ZBTB21: variants seen among roughly 807,000 people sequenced by gnomAD.
ZBTB21 encodes the protein zinc finger and BTB domain containing 21, also known as zinc finger and BTB domain-containing protein 21.
ZBTB21 carries 10 observed loss-of-function variants against 39.8 expected under a neutral mutation model. The ratio of observed to expected loss-of-function variants is 0.25; its 90% CI spans 0.16 to 0.43. The LOEUF is 0.43. Among genes scored for constraint, ZBTB21 ranks in the 20% least tolerant of loss-of-function variants. The pLI is 1.00. For synonymous variants in ZBTB21, 551 were observed against 498.8 expected (o/e 1.10, Z -1.40); for missense variants, 1,221 against 1,296.3 (o/e 0.94, Z 0.89).
intron 1 of ZBTB21, among the ~76,000 whole-genome samples, chr21:42,007,311 G>A (rs986548421): frequency 6.6e-6 from 1 of 152,188 alleles, no homozygotes; most frequent in Admixed American, 6.5e-5. Context: ...CTGAAGTAAA[G>A]CGTATTACAT....
intron 2 of ZBTB21, among the ~76,000 whole-genome samples, chr21:41,996,854 A>G (rs374755302): frequency 1.1e-3 from 164 of 152,230 alleles, no homozygotes; most frequent in Non-Finnish European, 1.4e-3. Flanking sequence ...ATAGTGAATA[A>G]ATCTCAGGAG....
chr21:41,995,510 G>A (rs942524600), intron 2 of ZBTB21, among the ~76,000 whole-genome samples: 1 of 152,160 alleles, frequency 6.6e-6, no homozygotes, highest in Admixed American at 6.5e-5. Flanking sequence ...CATTCAAGAG[G>A]TTCTCAGGTG....
chr21:42,002,189 C>T (rs1340181075), intron 2 of ZBTB21, among the ~76,000 whole-genome samples: 1 of 152,172 alleles, frequency 6.6e-6, no homozygotes, highest in Admixed American at 6.5e-5. Flanking sequence ...AGATGCAGAT[C>T]CCTCACCTTC....
chr21:42,008,932 G>A (rs1259255286), intron 1 of ZBTB21, among the ~76,000 whole-genome samples: 1 of 152,180 alleles, frequency 6.6e-6, no homozygotes, highest in Non-Finnish European at 1.5e-5. Flanking sequence ...CACGAGGAAA[G>A]CTTTAAAAGA....
chr21:41,994,819 C>CAT (rs1374904420), intron 2 of ZBTB21, among the ~76,000 whole-genome samples: 5 of 80,696 alleles, frequency 6.2e-5, no homozygotes, highest in Admixed American at 5.3e-4. Flanking sequence ...CCACAATTCC[C>CAT]ACGTCGTGGG....
Position 41,992,353 on chromosome 21 carries a change from G to C in ZBTB21, c.1743C>G (p.His581Gln). Reference protein sequence around the residue: ...PEKPYACDICHKRFHTNFKVW... With the variant: ...PEKPYACDICQKRFHTNFKVW... ...CTTTGAAGTTGGTGTGAAACCTCTT[G>C]TGACAGATGTCACAAGCGTAGGGCT... Residue 581 changes from histidine to glutamine, a missense_variant, in exon 3 of 3, where the codon CAC becomes CAG. Around this residue, in one of 4 missense-constraint regions of ZBTB21, gnomAD observed 90 missense variants for 133.1 expected, o/e 0.68. Coordinates refer to ENST00000310826, the MANE Select transcript of ZBTB21 (RefSeq NM_001098402.2). This position sits in a 1 kb window ranked among gnomAD's most constrained non-coding sequence, Gnocchi z 4.1. 1 of 1,614,222 alleles carries C rather than the reference G, an allele frequency of 6.2e-7. No individual in the cohort carries two copies. The highest frequency in any genetic ancestry group is 8.5e-7 in the Non-Finnish European group (1 of 1,180,042).
In ZBTB21 at chr21:41,997,810, A is replaced by C. The variant is rs141217690; in HGVS notation, c.-13-3702T>G. 1.6e-4 allele frequency among the ~76,000 whole-genome samples: 24 copies of C among 152,262 alleles called. No homozygotes were observed. The East Asian group carries it at 4.6e-3, about 29-fold the overall frequency. On this transcript the variant is annotated intron_variant, in intron 2 of 2. Coordinates refer to ENST00000310826, the MANE Select transcript of ZBTB21 (RefSeq NM_001098402.2). Reference sequence around the variant, plus strand: ...CTTCAAATCTAAACATGAGAAGAGGAGGCCTAGTGGTAGAGTGCAAGCTCT... The same window carrying C: ...CTTCAAATCTAAACATGAGAAGAGGCGGCCTAGTGGTAGAGTGCAAGCTCT...
chr21:41,991,585 G>A lies in ZBTB21; in HGVS notation c.2511C>T (p.His837=). The A allele has an allele frequency of 6.2e-7, 1 of 1,614,220 alleles. No individual in the cohort carries two copies. The highest frequency in any genetic ancestry group is 8.5e-7 in the Non-Finnish European group (1 of 1,180,046). ...CGTTGTCGTCTTTTGTGGTGACGAT[G>A]TGGTTTACTTTGTTGGGCTCAGGCT... ...QSQPEPNKVN[H]IVTTKDDNVF... The change falls in exon 3 of 3, where the codon CAC becomes CAT. Residue 837 remains histidine (H), a synonymous_variant. Transcript: ENST00000310826. The surrounding 1 kb of genome is among the most constrained non-coding windows in gnomAD (Gnocchi z 4.9).
At position 42,008,920 on chromosome 21, in the gene ZBTB21, T is replaced by C. The variant is rs147048637; in HGVS notation, c.-79+1332A>G. On this transcript the variant is annotated intron_variant, in intron 1 of 2. Transcript: ENST00000310826. The stretch of plus-strand genomic sequence containing the variant: ...CTTAGAGATCATCATTTACTCCAAG[T>C]ACACGAGGAAAGCTTTAAAAGATAA... Among the ~76,000 whole-genome samples the C allele has an allele frequency of 2.5e-3, 383 of 152,340 alleles. 4 individuals are homozygous for C. Among genetic ancestry groups the C allele is most frequent in the African/African-American group, 8.8e-3 (367 of 41,588 alleles).
intron 1 of ZBTB21, among the ~76,000 whole-genome samples, chr21:42,007,522 GCTAA>G (rs1273493775): frequency 6.6e-6 from 1 of 151,998 alleles, no homozygotes; most frequent in Non-Finnish European, 1.5e-5. Context: ...CCTTTACTTG[GCTAA>G]CTTCTTTCGA....
In ZBTB21 at chr21:41,993,421, A is replaced by G. The variant is rs1217819965; in HGVS notation, c.675T>C (p.Ser225=). The stretch of plus-strand genomic sequence containing the variant: ...AACTGATTCTATTAGGATCATCCAA[A>G]GATCCAGAATGCTCAAGAGACTTTG... ...VYAKSLEHSG[S]LDDPNRISLV... The change falls in exon 3 of 3, where the codon TCT becomes TCC. Residue 225 remains serine (S), a synonymous_variant. Coordinates refer to ENST00000310826, the MANE Select transcript of ZBTB21 (RefSeq NM_001098402.2). The G allele has an allele frequency of 3.7e-6, 6 of 1,614,082 alleles. No individual in the cohort carries two copies. Among genetic ancestry groups the G allele is most frequent in the Non-Finnish European group, 5.1e-6 (6 of 1,180,042 alleles).
At chr21:42,005,158 G>C (rs1342483199) in intron 1 of ZBTB21, among the ~76,000 whole-genome samples, 1 of 152,218 alleles carries the variant, frequency 6.6e-6, no homozygotes, top group Non-Finnish European at 1.5e-5. Context: ...TAGCAGAGCA[G>C]ACTCTGGTCA....
rs971402060 is a variant in ZBTB21, at chr21:41,990,694, AC to A, written c.*200del. The A allele has an allele frequency of 2.2e-6, 1 of 460,986 alleles. No homozygotes were observed. Among genetic ancestry groups the A allele is most frequent in the Non-Finnish European group, 3.6e-6 (1 of 277,618 alleles). The allele number at this position is 460,986 out of a possible 1,614,324, so 28.6% of individuals were successfully genotyped here. ...CCATCTTGTTCTTGTAAGGTCCAGA[AC>A]CACAATATTTTAAAAGCTGTATTTC... is the stretch of plus-strand genomic sequence containing the variant. On this transcript the variant is annotated 3_prime_UTR_variant, in exon 3 of 3. Coordinates refer to ENST00000310826, the MANE Select transcript of ZBTB21 (RefSeq NM_001098402.2).
At chr21:42,004,414 T>C (rs1428640289) in intron 1 of ZBTB21, among the ~76,000 whole-genome samples, 2 of 151,956 alleles carry the variant, frequency 1.3e-5, no homozygotes, top group African/African-American at 4.8e-5. Context: ...AGAGGGAAGG[T>C]AGGCAATTTC....
At chr21:42,001,101 A>C (rs2065811795) in intron 2 of ZBTB21, among the ~76,000 whole-genome samples, 1 of 152,202 alleles carries the variant, frequency 6.6e-6, no homozygotes, top group African/African-American at 2.4e-5. Context: ...CAGATGAGAA[A>C]ACTGAGGCAC....
intron 1 of ZBTB21, among the ~76,000 whole-genome samples, chr21:42,008,746 G>T (rs2065916111): frequency 2.6e-5 from 4 of 151,956 alleles, no homozygotes; most frequent in Admixed American, 2.0e-4. Flanking sequence ...TATTTCAACA[G>T]AATGAAGCAC....
intron 1 of ZBTB21, among the ~76,000 whole-genome samples, chr21:42,008,616 G>C (rs1194279715): frequency 1.4e-5 from 2 of 147,500 alleles, no homozygotes; most frequent in East Asian, 4.0e-4. Context: ...CATTTCCATC[G>C]AGAGACCTTC....
intron 1 of ZBTB21, among the ~76,000 whole-genome samples, chr21:42,005,761 T>C (rs927471189): frequency 6.6e-6 from 1 of 152,236 alleles, no homozygotes; most frequent in African/African-American, 2.4e-5. Flanking sequence ...TGAATTCCAA[T>C]TCTGTACAAG....
In ZBTB21 at chr21:41,991,084, G is replaced by T. The variant is rs959291243; in HGVS notation, c.3012C>A (p.Pro1004=). The part of the protein sequence containing the change: ...PKIQPLEPDS[P]TGLSENPTPA... ...GAGTTGGGTTTTCGGACAGGCCTGT[G>T]GGGCTGTCAGGCTCCAGAGGCTGGA... The change falls in exon 3 of 3, where the codon CCC becomes CCA. Residue 1004 remains proline (P), a synonymous_variant. Transcript: ENST00000310826. The surrounding 1 kb of genome is among the most constrained non-coding windows in gnomAD (Gnocchi z 4.9). The T allele has an allele frequency of 2.5e-6, 4 of 1,611,104 alleles. No homozygotes were observed. Among genetic ancestry groups the T allele is most frequent in the Admixed American group, 3.4e-5 (2 of 59,682 alleles).
Sources: gnomAD v4.1 joint callset for allele counts (sites outside exome capture counted in the v4.1 genomes callset) on GRCh38, gnomAD v4.1.1 for gene constraint, gnomAD v4.1.1 regional missense constraint, Gnocchi (gnomAD v3.1) non-coding constraint, MANE v1.5 for transcripts, NCBI Gene and HGNC (gene_info 2026-07-23, HGNC 2026-07-21) for gene names.